AUTS2: variants seen among roughly 807,000 people sequenced by gnomAD.
The protein encoded by AUTS2 is autism susceptibility gene 2 protein.
In AUTS2, 17 loss-of-function variants were observed where a neutral mutation model predicts 112.4. That is an observed-to-expected ratio of 0.15 (90% CI 0.10 to 0.23). The LOEUF (loss-of-function observed/expected upper bound fraction) is 0.23, where lower values mean the gene tolerates loss of function less well. AUTS2 is among the 10% of genes least tolerant of loss of function. AUTS2 has a pLI of 1.00. For synonymous variants in AUTS2, 751 were observed against 702.7 expected, an observed-to-expected ratio of 1.07 and a Z score of -1.09; for missense variants, 1,510 against 1,701.6, an observed-to-expected ratio of 0.89 and a Z score of 1.98.
chr7:70,483,841 T>C (rs926664826), intron 5 of AUTS2, among the ~76,000 whole-genome samples: 1 of 152,202 alleles, frequency 6.6e-6, no homozygotes, highest in Non-Finnish European at 1.5e-5. Flanking sequence ...TAAGTTCCCT[T>C]GATAAGCAGC....
At chr7:69,762,776 G>A (rs1788249560) in intron 1 of AUTS2, among the ~76,000 whole-genome samples, 1 of 152,058 alleles carries the variant, frequency 6.6e-6, no homozygotes, top group Admixed American at 6.6e-5. Flanking sequence ...AAGTAGTAAA[G>A]CAACAATAAG....
chr7:69,986,226 G>A (rs1244017783), intron 2 of AUTS2, among the ~76,000 whole-genome samples: 1 of 152,188 alleles, frequency 6.6e-6, no homozygotes, highest in Non-Finnish European at 1.5e-5. Context: ...CAGGACCTTA[G>A]GGATGTTATT....
At chr7:70,228,097 A>G (rs1811861061) in intron 4 of AUTS2, among the ~76,000 whole-genome samples, 1 of 150,818 alleles carries the variant, frequency 6.6e-6, no homozygotes, top group Non-Finnish European at 1.5e-5. Flanking sequence ...CGGGGTTTGT[A>G]GTTAGGTATA....
intron 6 of AUTS2, among the ~76,000 whole-genome samples, chr7:70,731,319 A>ATT (rs575885880): frequency 6.7e-4 from 79 of 118,300 alleles, no homozygotes; most frequent in African/African-American, 2.3e-3. Flanking sequence ...AGAAGATACT[A>ATT]TTTTTTTTTT....
At chr7:69,615,103 T>C (rs1462655135) in intron 1 of AUTS2, among the ~76,000 whole-genome samples, 1 of 152,208 alleles carries the variant, frequency 6.6e-6, no homozygotes, top group Non-Finnish European at 1.5e-5. Context: ...CTGTCTCAGA[T>C]TGTAAACCCT....
intron 4 of AUTS2, among the ~76,000 whole-genome samples, chr7:70,232,833 T>A (rs1042023957): frequency 4.6e-5 from 7 of 152,212 alleles, no homozygotes; most frequent in Non-Finnish European, 8.8e-5. Context: ...TATTTAATAA[T>A]TACTCTTGAC....
intron 4 of AUTS2, among the ~76,000 whole-genome samples, chr7:70,332,754 T>C (rs1790814976): frequency 6.6e-6 from 1 of 152,198 alleles, no homozygotes; most frequent in South Asian, 2.1e-4. Flanking sequence ...GAAGACCTGC[T>C]AGCCATATGC....
chr7:70,219,603 G>A (rs1472579631), intron 4 of AUTS2, among the ~76,000 whole-genome samples: 16 of 145,046 alleles, frequency 1.1e-4, no homozygotes, highest in East Asian at 2.0e-4. Flanking sequence ...AGAGAGTCTC[G>A]CTCTGTTGCC....
At chr7:69,715,227 TAAAAAAAAAA>T (rs61555118) in intron 1 of AUTS2, among the ~76,000 whole-genome samples, 1 of 129,430 alleles carries the variant, frequency 7.7e-6, no homozygotes, top group African/African-American at 2.9e-5. Context: ...CAGGCATAAG[TAAAAAAAAAA>T]AAAAAAAAAG....
intron 4 of AUTS2, among the ~76,000 whole-genome samples, chr7:70,226,136 GA>G (rs1488190606): frequency 6.6e-6 from 1 of 152,122 alleles, no homozygotes; most frequent in East Asian, 1.9e-4. Context: ...TTGCTTGTAT[GA>G]TTATAAGCTA....
chr7:70,298,224 G>T (rs548772435), intron 4 of AUTS2, among the ~76,000 whole-genome samples: 1 of 152,060 alleles, frequency 6.6e-6, no homozygotes, highest in East Asian at 1.9e-4. Flanking sequence ...TAGAGATGGG[G>T]TTTCACCATG....
At chr7:70,237,134 T>G (rs926967060) in intron 4 of AUTS2, among the ~76,000 whole-genome samples, 1 of 152,198 alleles carries the variant, frequency 6.6e-6, no homozygotes, top group Admixed American at 6.5e-5. Flanking sequence ...CAGGGGACTT[T>G]CTTGTTCACT....
intron 4 of AUTS2, among the ~76,000 whole-genome samples, chr7:70,283,468 C>A (rs555893676): frequency 1.4e-4 from 21 of 151,992 alleles, no homozygotes; most frequent in African/African-American, 4.6e-4. Flanking sequence ...AAGATGCATT[C>A]CAATTTCAGA....
chr7:70,003,290 A>T (rs1348957535), intron 2 of AUTS2, among the ~76,000 whole-genome samples: 1 of 132,136 alleles, frequency 7.6e-6, no homozygotes, highest in Non-Finnish European at 1.5e-5. Flanking sequence ...TATATATATT[A>T]TATATGAATA....
intron 5 of AUTS2, among the ~76,000 whole-genome samples, chr7:70,688,973 C>A (rs1808608520): frequency 6.6e-6 from 1 of 152,212 alleles, no homozygotes; most frequent in Non-Finnish European, 1.5e-5. Context: ...GAAATTGAAG[C>A]CCTCACTATT....
intron 1 of AUTS2, among the ~76,000 whole-genome samples, chr7:69,607,922 G>T (rs908485362): frequency 4.6e-5 from 7 of 152,174 alleles, no homozygotes; most frequent in African/African-American, 1.7e-4. Context: ...GGTGAAATCT[G>T]ATATTTTCTT....
At chr7:70,070,238 A>C (rs959674768) in intron 2 of AUTS2, among the ~76,000 whole-genome samples, 4 of 152,028 alleles carry the variant, frequency 2.6e-5, no homozygotes, top group African/African-American at 9.7e-5. Context: ...TGGGGATATT[A>C]GATGTGTTCT....
chr7:70,486,501 T>C (rs557568921), intron 5 of AUTS2, among the ~76,000 whole-genome samples: 1 of 152,300 alleles, frequency 6.6e-6, no homozygotes, highest in Admixed American at 6.5e-5. Flanking sequence ...CTTTGGGGGC[T>C]GAGGCGGGAG....
intron 1 of AUTS2, among the ~76,000 whole-genome samples, chr7:69,877,580 G>A (rs921148178): frequency 3.3e-5 from 5 of 152,006 alleles, no homozygotes; most frequent in Admixed American, 2.0e-4. Context: ...ACTAAGCATA[G>A]TACCTGGCAG....
Sources: gnomAD v4.1 joint callset for allele counts (sites outside exome capture counted in the v4.1 genomes callset) on GRCh38, gnomAD v4.1.1 for gene constraint, MANE v1.5 for transcripts, NCBI Gene and HGNC (gene_info 2026-07-23, HGNC 2026-07-21) for gene names.